The following CPSF7 variants were observed in gnomAD, a reference collection of about 807,000 sequenced individuals.
CPSF7 encodes the protein cleavage and polyadenylation specificity factor subunit 7.
A neutral mutation model predicts 44.3 loss-of-function variants in CPSF7; 1 was observed. The ratio of observed to expected loss-of-function variants is 0.02; its 90% CI spans 0.01 to 0.11. The LOEUF is 0.11. Among genes scored for constraint, CPSF7 ranks in the 10% least tolerant of loss-of-function variants. The pLI, the probability that CPSF7 is intolerant of heterozygous loss-of-function variation, is 1.00. For synonymous variants in CPSF7, 202 were observed against 222.0 expected, an observed-to-expected ratio of 0.91 and a Z score of 0.80; for missense variants, 443 against 607.2, an observed-to-expected ratio of 0.73 and a Z score of 2.84.
chr11:61,416,808 A>C (rs1565108729), intron 5 of CPSF7, among the ~76,000 whole-genome samples: 1 of 152,198 alleles, frequency 6.6e-6, no homozygotes, highest in Non-Finnish European at 1.5e-5. Flanking sequence ...TGTATCTTCT[A>C]TTTTTAAATG....
rs779335011 is a variant in CPSF7, at chr11:61,421,438, A to C, written c.225T>G (p.Ser75Arg). 8.7e-6 allele frequency: 14 copies of C among 1,613,996 alleles called. No homozygotes were observed. Among genetic ancestry groups the C allele is most frequent in the African/African-American group, 1.3e-5 (1 of 74,902 alleles). Residue 75 changes from serine to arginine, a missense_variant, in exon 3 of 10, where the codon AGT becomes AGG. Coordinates refer to ENST00000439958, the MANE Select transcript of CPSF7 (RefSeq NM_001142565.3). ...NKTPAILYTYSGLRNRRAAVY... is the reference protein window; with the variant it reads ...NKTPAILYTYRGLRNRRAAVY... ...CGGCAGCTCGTCTATTACGCAGGCC[A>C]CTGTAGGTATACAGAATTGCAGGGG...
At chr11:61,429,516 T>G (rs2277285) in intron 1 of CPSF7, 454,142 of 525,376 alleles carry the variant, frequency 0.86, 196,753 homozygotes, top group East Asian at 0.98. Context: ...GCGCCGCGTC[T>G]GCGCCGCAGC....
intron 5 of CPSF7, 84 bp downstream of exon 5, chr11:61,419,865 C>T: frequency 1.3e-6 from 2 of 1,548,552 alleles, no homozygotes; most frequent in Non-Finnish European, 1.8e-6. Flanking sequence ...GCTAAGCCTA[C>T]ACCATAGAAA....
At chr11:61,411,367 G>T (rs1859833149) in intron 8 of CPSF7, among the ~76,000 whole-genome samples, 1 of 152,110 alleles carries the variant, frequency 6.6e-6, no homozygotes, top group South Asian at 2.1e-4. Flanking sequence ...TTTACAACAG[G>T]TCTGTAAGAT....
At chr11:61,424,274 T>C (rs1042597088) in intron 2 of CPSF7, among the ~76,000 whole-genome samples, 7 of 152,226 alleles carry the variant, frequency 4.6e-5, no homozygotes, top group Non-Finnish European at 8.8e-5. Context: ...AAGTAATCAC[T>C]ATAAAATATT....
chr11:61,405,402 C>G (rs554246128), intron 9 of CPSF7, among the ~76,000 whole-genome samples: 9 of 152,196 alleles, frequency 5.9e-5, no homozygotes, highest in African/African-American at 2.2e-4. Flanking sequence ...GGTGAGGAAC[C>G]AGGAAACATA....
intron 9 of CPSF7, among the ~76,000 whole-genome samples, chr11:61,409,664 G>GT (rs71046721): frequency 2.6e-4 from 38 of 145,844 alleles, no homozygotes; most frequent in African/African-American, 7.5e-4. Context: ...TAAATAAACC[G>GT]TTTTTTTTTT....
Position 61,420,053 on chromosome 11 carries a change from T to C in CPSF7, c.419A>G (p.Lys140Arg). 1 of 1,614,106 alleles carries C rather than the reference T, an allele frequency of 6.2e-7. No individual in the cohort carries two copies. Among genetic ancestry groups the C allele is most frequent in the African/African-American group, 1.3e-5 (1 of 75,054 alleles). ...VVVASENSVH[K>R]LLELLPGKVL... Reference sequence around the variant, plus strand: ...TTTCCCTGGTAGGAGTTCCAACAATTTGTGGACAGAGTTTTCAGAGGCTAC... The same window carrying C: ...TTTCCCTGGTAGGAGTTCCAACAATCTGTGGACAGAGTTTTCAGAGGCTAC... Residue 140 changes from lysine to arginine, a missense_variant, in exon 5 of 10, where the codon AAA becomes AGA. Transcript: ENST00000439958.
At chr11:61,405,465 G>T (rs1429469041) in intron 9 of CPSF7, among the ~76,000 whole-genome samples, 1 of 152,262 alleles carries the variant, frequency 6.6e-6, no homozygotes, top group East Asian at 1.9e-4. Context: ...GCAGAGCATG[G>T]AAGAAACCTA....
At chr11:61,415,849 C>T (rs1860277636) in intron 6 of CPSF7, 65 bp from the exon 7 acceptor site, 1 of 1,210,072 alleles carries the variant, frequency 8.3e-7, no homozygotes, top group Non-Finnish European at 1.2e-6. Context: ...TACTCTACAA[C>T]ACTTTGGTAA....
chr11:61,428,781 GA>G (rs1244512887), intron 2 of CPSF7: 1 of 154,378 alleles, frequency 6.5e-6, no homozygotes, highest in African/African-American at 2.4e-5. Context: ...CGATGGAGGG[GA>G]CTACACTTCT....
At chr11:61,422,310 T>C (rs190791892) in intron 2 of CPSF7, among the ~76,000 whole-genome samples, 28 of 151,938 alleles carry the variant, frequency 1.8e-4, no homozygotes, top group African/African-American at 6.5e-4. Context: ...GACATGTATC[T>C]AGGAGACTTT....
At chr11:61,417,076 G>A (rs775715462) in intron 5 of CPSF7, among the ~76,000 whole-genome samples, 3 of 152,166 alleles carry the variant, frequency 2.0e-5, no homozygotes, top group South Asian at 4.1e-4. Flanking sequence ...TAATCAGGGT[G>A]AGAAAGAGAC....
intron 2 of CPSF7, among the ~76,000 whole-genome samples, chr11:61,423,132 G>GAATT (rs1320881290): frequency 9.8e-6 from 1 of 101,840 alleles, no homozygotes; most frequent in African/African-American, 3.7e-5. Context: ...AAAAAAAAAG[G>GAATT]GTTCAGGATT....
intron 5 of CPSF7, among the ~76,000 whole-genome samples, chr11:61,417,972 T>G (rs192112835): frequency 7.2e-5 from 11 of 152,180 alleles, no homozygotes; most frequent in African/African-American, 2.4e-4. Context: ...AGTAGCTGAG[T>G]AGAAGTAGAA....
chr11:61,428,854 C>T (rs1861651642), intron 2 of CPSF7: 1 of 182,976 alleles, frequency 5.5e-6, no homozygotes, highest in Admixed American at 6.1e-5. Context: ...AATACCGTAG[C>T]AAATGTACTT....
intron 2 of CPSF7, among the ~76,000 whole-genome samples, chr11:61,423,404 C>T (rs1039711808): frequency 6.6e-6 from 1 of 152,128 alleles, no homozygotes; most frequent in Non-Finnish European, 1.5e-5. Context: ...AACCCTTCAT[C>T]TCGTGATCTG....
chr11:61,415,891 C>G, intron 6 of CPSF7, 107 bp from the exon 7 acceptor site: 1 of 913,402 alleles, frequency 1.1e-6, no homozygotes, highest in Non-Finnish European at 1.7e-6. Flanking sequence ...TGCTAGACAT[C>G]TGTAGCATTC....
chr11:61,410,784 G>T, intron 9 of CPSF7, 154 bp downstream of exon 9: 1 of 713,924 alleles, frequency 1.4e-6, no homozygotes, highest in Non-Finnish European at 2.2e-6. Context: ...CCATAAATGT[G>T]CAGAAAATCT....
Sources: gnomAD v4.1 joint callset for allele counts (sites outside exome capture counted in the v4.1 genomes callset) on GRCh38, gnomAD v4.1.1 for gene constraint, MANE v1.5 for transcripts, NCBI Gene and HGNC (gene_info 2026-07-23, HGNC 2026-07-21) for gene names.